Variants in OSMR observed in about 807,000 individuals in gnomAD.
OSMR encodes the protein oncostatin-M-specific receptor subunit beta.
A neutral mutation model predicts 99.9 loss-of-function variants in OSMR; 81 were observed. The observed-to-expected ratio is 0.81, with a 90% CI of 0.68 to 0.97. The LOEUF is 0.97. OSMR is among the 50% of genes least tolerant of loss of function. OSMR has a pLI of 0.00. For synonymous variants in OSMR, 406 were observed against 410.4 expected (o/e 0.99, Z 0.13); for missense variants, 1,099 against 1,153.4 (o/e 0.95, Z 0.68).
chr5:38,904,069 G>A (rs763834609), intron 8 of OSMR, 45 bp downstream of exon 8: 1 of 1,606,848 alleles, frequency 6.2e-7, no homozygotes, highest in African/African-American at 1.3e-5. Context: ...TTCTTTTTTT[G>A]TCCTGAACAG....
chr5:38,899,134 A>G (rs1297389397), intron 7 of OSMR, among the ~76,000 whole-genome samples: 1 of 151,672 alleles, frequency 6.6e-6, no homozygotes, highest in Non-Finnish European at 1.5e-5. Flanking sequence ...TAAATTTTGT[A>G]TTTCTAGTAG....
In OSMR at chr5:38,932,581, T is replaced by C. The variant is rs200600190; in HGVS notation, c.2367+46T>C. On this transcript the variant is annotated intron_variant, in intron 17 of 17. Transcript: ENST00000274276. ...TGTATACCATATACCTATTAAGGAC[T>C]AACCCAGAGTGGGGGCTGTCAGAAT... is the stretch of plus-strand genomic sequence containing the variant. 4.8e-3 allele frequency: 7,543 copies of C among 1,579,456 alleles called. 54 individuals are homozygous for C. Among genetic ancestry groups the C allele is most frequent in the Middle Eastern group, 6.0e-3 (36 of 5,994 alleles).
chr5:38,879,426 A>G (rs541969399), intron 3 of OSMR, among the ~76,000 whole-genome samples: 1 of 152,322 alleles, frequency 6.6e-6, no homozygotes, highest in East Asian at 1.9e-4. Flanking sequence ...GAACTGGGGC[A>G]AGGGATGTGT....
intron 1 of OSMR, among the ~76,000 whole-genome samples, chr5:38,853,689 T>C (rs1222375060): frequency 6.6e-6 from 1 of 152,222 alleles, no homozygotes; most frequent in Admixed American, 6.5e-5. Context: ...ATTTACCTTT[T>C]AGAGACTCAG....
In OSMR at chr5:38,919,071, G is replaced by T. The variant is rs766786516; in HGVS notation, c.1585+9G>T. On this transcript the variant is annotated intron_variant, in intron 11 of 17. Transcript: ENST00000274276. ...TGCAGACCCCGAAAACAGTGAGTTT[G>T]TTTTCATTTTCTTTTGTTTTTATTC... 6.2e-7 allele frequency: 1 copy of T among 1,613,760 alleles called. No individual in the cohort carries two copies. The highest frequency in any genetic ancestry group is 1.1e-5 in the South Asian group (1 of 91,020).
chr5:38,928,583 G>A (rs1327890155), intron 15 of OSMR, among the ~76,000 whole-genome samples: 1 of 152,070 alleles, frequency 6.6e-6, no homozygotes, highest in Admixed American at 6.6e-5. Flanking sequence ...ACAGCAGCAT[G>A]GGGGTAGCCA....
chr5:38,870,401 G>A (rs1290227712), intron 2 of OSMR, among the ~76,000 whole-genome samples: 1 of 144,164 alleles, frequency 6.9e-6, no homozygotes, highest in South Asian at 2.2e-4. Context: ...GCGCGATCTC[G>A]GCTCACTGCA....
chr5:38,942,737 T>C, intron 1 of OSMR: 1 of 990,772 alleles, frequency 1.0e-6, no homozygotes, highest in African/African-American at 1.6e-5. Context: ...ATTGTAGGCA[T>C]GAGTCACCAC....
intron 9 of OSMR, among the ~76,000 whole-genome samples, chr5:38,906,985 A>T (rs1022482860): frequency 6.6e-6 from 1 of 152,192 alleles, no homozygotes; most frequent in Non-Finnish European, 1.5e-5. Context: ...AGCAGCCAAA[A>T]TTTTTTTAAA....
intron 9 of OSMR, among the ~76,000 whole-genome samples, chr5:38,908,061 G>A (rs1404504151): frequency 9.2e-5 from 14 of 151,990 alleles, no homozygotes; most frequent in Non-Finnish European, 1.5e-5. Flanking sequence ...ACCATCACTG[G>A]CACAAATGCA....
At position 38,862,318 on chromosome 5, in the gene OSMR, C is replaced by T. The variant is rs1440472224; in HGVS notation, c.-13-6714C>T. 4.8e-3 allele frequency among the ~76,000 whole-genome samples: 445 copies of T among 93,042 alleles called. 65 individuals carry two copies. The highest frequency in any genetic ancestry group is 0.02 in the African/African-American group (415 of 20,936). The allele number at this position is 93,042 out of a possible 152,430, so 61.0% of individuals were successfully genotyped here. A position where few individuals can be genotyped will look rare whatever the true frequency, so the allele number is the denominator to read the frequency against. ...CTGACCCCCCCACCTCCCTCCCGGA[C>T]GGGGTGGCTGGCCGGGCAGAGGGGC... On this transcript the variant is annotated intron_variant, in intron 1 of 17. Transcript: ENST00000274276.
At chr5:38,905,049 C>G (rs1745140377) in intron 9 of OSMR, among the ~76,000 whole-genome samples, 2 of 152,170 alleles carry the variant, frequency 1.3e-5, no homozygotes, top group African/African-American at 4.8e-5. Context: ...CTCAAATGGG[C>G]CTCAGGAGAT....
chr5:38,940,365 T>A (rs1404100315), downstream of OSMR: 1 of 231,686 alleles, frequency 4.3e-6, no homozygotes, highest in African/African-American at 2.2e-5. Flanking sequence ...AATATGTTAA[T>A]CCCATTATGA....
chr5:38,853,013 G>A (rs546417340), intron 1 of OSMR, among the ~76,000 whole-genome samples: 4 of 152,082 alleles, frequency 2.6e-5, no homozygotes, highest in African/African-American at 9.6e-5. Context: ...TTACAGGCGT[G>A]AGCCACCGCG....
chr5:38,911,321 A>G (rs1745565329), intron 9 of OSMR, among the ~76,000 whole-genome samples: 1 of 152,152 alleles, frequency 6.6e-6, no homozygotes, highest in African/African-American at 2.4e-5. Flanking sequence ...ACAAACTAGA[A>G]AACATACAGC....
At chr5:38,873,630 A>G (rs1386021017) in intron 2 of OSMR, among the ~76,000 whole-genome samples, 1 of 152,184 alleles carries the variant, frequency 6.6e-6, no homozygotes, top group African/African-American at 2.4e-5. Flanking sequence ...ATTTCTCCAC[A>G]TCCTCGCCAA....
chr5:38,923,942 T>C, intron 13 of OSMR, among the ~76,000 whole-genome samples: 1 of 152,232 alleles, frequency 6.6e-6, no homozygotes, highest in Admixed American at 6.5e-5. Flanking sequence ...TCAGTGACAC[T>C]TGGATAAGTG....
intron 1 of OSMR, among the ~76,000 whole-genome samples, chr5:38,861,718 G>A (rs1270710): frequency 6.7e-6 from 1 of 149,950 alleles, no homozygotes; most frequent in East Asian, 2.1e-4. Flanking sequence ...CCCTCACCTC[G>A]CGGACAGGGG....
intron 1 of OSMR, among the ~76,000 whole-genome samples, chr5:38,858,775 T>C (rs1360586975): frequency 6.6e-6 from 1 of 152,198 alleles, no homozygotes; most frequent in South Asian, 2.1e-4. Context: ...GCATTTGTTA[T>C]TTTTGCCTTT....
Sources: allele counts gnomAD v4.1 joint callset (sites outside exome capture counted in the v4.1 genomes callset), GRCh38; gene constraint gnomAD v4.1.1; transcripts MANE v1.5; gene names NCBI Gene and HGNC (gene_info 2026-07-23, HGNC 2026-07-21).